TBX5: variants seen among roughly 807,000 people sequenced by gnomAD.
The protein encoded by TBX5 is T-box transcription factor TBX5.
Under a neutral mutation model 51.1 loss-of-function variants are expected in TBX5, and 8 were observed. That is an observed-to-expected ratio of 0.16 (90% CI 0.09 to 0.28). TBX5 has a LOEUF of 0.28. TBX5 is among the 10% of genes least tolerant of loss of function. The pLI, the probability that TBX5 is intolerant of heterozygous loss-of-function variation, is 1.00. For missense variants in TBX5, 589 were observed against 671.7 expected, an observed-to-expected ratio of 0.88 and a Z score of 1.36; for synonymous variants, 302 against 266.4, an observed-to-expected ratio of 1.13 and a Z score of -1.30.
chr12:114,383,798 G>A (rs1047089505), intron 7 of TBX5, among the ~76,000 whole-genome samples: 1 of 152,204 alleles, frequency 6.6e-6, no homozygotes, highest in African/African-American at 2.4e-5. Context: ...CCTTGACCTT[G>A]TAAAAAGGAG....
At chr12:114,407,962 T>C (rs998707861), upstream of TBX5, 3 of 985,372 alleles carry the variant, frequency 3.0e-6, no homozygotes, top group African/African-American at 3.5e-5. Flanking sequence ...GAAGAGCACG[T>C]ACCTCCCAGC....
chr12:114,398,219 A>G (rs1417206664), intron 5 of TBX5, among the ~76,000 whole-genome samples: 1 of 152,226 alleles, frequency 6.6e-6, no homozygotes, highest in African/African-American at 2.4e-5. Context: ...CGACAGACCC[A>G]GATCTGGGGA....
rs190225407 is a variant in TBX5 at position 114,401,979 on chromosome 12, C to T, written c.148-59G>A. 67 of 1,400,606 alleles carry T rather than the reference C, an allele frequency of 4.8e-5. No homozygotes were observed. In the African/African-American group the frequency reaches 7.1e-4, roughly 15 times the overall value. 86.8% of individuals were successfully genotyped at this position (1,400,606 alleles called of 1,614,324 possible). The stretch of plus-strand genomic sequence containing the variant: ...CCCTGGCAGTAGTGGGCATTCCTTC[C>T]CCAAACTCCCCCAAAACACAGAGAC... On this transcript the variant is annotated intron_variant, in intron 2 of 8. Transcript: ENST00000405440.
Position 114,405,899 on chromosome 12 carries a change from C to G in TBX5, c.-310G>C. On this transcript the variant is annotated 5_prime_UTR_variant, in exon 1 of 9. Coordinates refer to ENST00000405440, the MANE Select transcript of TBX5 (RefSeq NM_181486.4). ...AGCGCCAAAGAACACAAAATAGCCT[C>G]CAAGAGCACCGGCAACCATATAATC... is the stretch of plus-strand genomic sequence containing the variant. 1 of 985,554 alleles carries G rather than the reference C, an allele frequency of 1.0e-6. No individual in the cohort carries two copies. The highest frequency in any genetic ancestry group is 1.2e-6 in the Non-Finnish European group (1 of 830,052). The allele number at this position is 985,554 out of a possible 1,614,324, so 61.1% of individuals were successfully genotyped here.
At chr12:114,392,392 G>A (rs556582415) in intron 6 of TBX5, among the ~76,000 whole-genome samples, 5 of 152,048 alleles carry the variant, frequency 3.3e-5, no homozygotes, top group Non-Finnish European at 7.4e-5. Flanking sequence ...TTTCAAATAT[G>A]GCAGTTTATT....
Position 114,398,652 on chromosome 12 carries a change from G to C in TBX5, c.431C>G (p.Thr144Ser). The C allele has an allele frequency of 6.2e-7, 1 of 1,613,436 alleles. No individual in the cohort carries two copies. The highest frequency in any genetic ancestry group is 8.5e-7 in the Non-Finnish European group (1 of 1,179,810). Residue 144 changes from threonine to serine, a missense_variant, in exon 5 of 9, where the codon ACC becomes AGC. Physicochemically the swap from Thr to Ser is moderately conservative, Grantham distance 58. Around this residue, in one of 7 missense-constraint regions of TBX5, gnomAD observed 85 missense variants for 95.6 expected, o/e 0.89. Coordinates refer to ENST00000405440, the MANE Select transcript of TBX5 (RefSeq NM_181486.4). ...RLYVHPDSPATGAHWMRQLVS... is the reference protein window; with the variant it reads ...RLYVHPDSPASGAHWMRQLVS... Reference sequence around the variant, plus strand: ...GAGCTGCCTCATCCAATGCGCCCCGGTGGCGGGGGAGTCTGGGTGCACGTA... The same window carrying C: ...GAGCTGCCTCATCCAATGCGCCCCGCTGGCGGGGGAGTCTGGGTGCACGTA...
intron 6 of TBX5, among the ~76,000 whole-genome samples, chr12:114,392,848 C>G (rs960799857): frequency 1.3e-5 from 2 of 152,144 alleles, no homozygotes; most frequent in African/African-American, 4.8e-5. Flanking sequence ...TCAGGGCATT[C>G]GACCCTCGGT....
intron 3 of TBX5, 85 bp downstream of exon 3, chr12:114,401,741 C>T (rs767748614): frequency 1.6e-6 from 2 of 1,287,298 alleles, no homozygotes; most frequent in East Asian, 4.6e-5. Context: ...CCTTTCCTTC[C>T]TTCTTCTCTT....
At chr12:114,393,150 G>T (rs1871249812) in intron 6 of TBX5, among the ~76,000 whole-genome samples, 1 of 152,162 alleles carries the variant, frequency 6.6e-6, no homozygotes, top group Non-Finnish European at 1.5e-5. Flanking sequence ...TTCGAGGGGT[G>T]AGGGGAGGAT....
At chr12:114,375,760 C>A (rs972156489) in intron 7 of TBX5, among the ~76,000 whole-genome samples, 1 of 152,152 alleles carries the variant, frequency 6.6e-6, no homozygotes, top group Admixed American at 6.5e-5. Context: ...ATAGAACTAT[C>A]AGCCAGGTGC....
At chr12:114,356,519 C>T (rs1290811867) in intron 8 of TBX5, among the ~76,000 whole-genome samples, 1 of 152,038 alleles carries the variant, frequency 6.6e-6, no homozygotes, top group Non-Finnish European at 1.5e-5. Context: ...CACTTGAGCC[C>T]AGGAGTTTGA....
At chr12:114,372,630 C>G (rs1348856913) in intron 7 of TBX5, among the ~76,000 whole-genome samples, 1 of 151,998 alleles carries the variant, frequency 6.6e-6, no homozygotes, top group Admixed American at 6.6e-5. Context: ...TTGACTCAAC[C>G]AGGGCTATAT....
At chr12:114,408,164 G>A, upstream of TBX5, 6 of 985,414 alleles carry the variant, frequency 6.1e-6, no homozygotes, top group Non-Finnish European at 7.2e-6. Flanking sequence ...AGCGGCGGGA[G>A]GTAAATTTCT....
At chr12:114,396,251 G>A (rs545289106) in intron 5 of TBX5, among the ~76,000 whole-genome samples, 3 of 151,906 alleles carry the variant, frequency 2.0e-5, no homozygotes, top group South Asian at 4.1e-4. Context: ...CCGCCTCCCC[G>A]GCCGATAGCG....
chr12:114,366,946 T>C (rs1028722786), intron 7 of TBX5, among the ~76,000 whole-genome samples: 1 of 152,206 alleles, frequency 6.6e-6, no homozygotes, highest in Non-Finnish European at 1.5e-5. Flanking sequence ...TCTGTCCTTG[T>C]GGCCACTGAT....
At chr12:114,365,077 A>C (rs147805413) in intron 8 of TBX5, among the ~76,000 whole-genome samples, 2 of 147,988 alleles carry the variant, frequency 1.4e-5, no homozygotes, top group South Asian at 2.1e-4. Context: ...AAAAAAAAAA[A>C]GCCATTTATT....
intron 6 of TBX5, among the ~76,000 whole-genome samples, chr12:114,392,608 C>A (rs541123544): frequency 1.3e-5 from 2 of 152,212 alleles, no homozygotes; most frequent in South Asian, 2.1e-4. Context: ...CTGTATGAAC[C>A]TGGGCTTTCT....
chr12:114,406,850 A>T (rs909245738), upstream of TBX5, among the ~76,000 whole-genome samples: 3 of 146,616 alleles, frequency 2.0e-5, no homozygotes, highest in South Asian at 2.2e-4. Context: ...TCTGAGATGT[A>T]TTTTTTTTTT....
At chr12:114,401,777 C>G in intron 3 of TBX5, 49 bp downstream of exon 3, 3 of 1,577,832 alleles carry the variant, frequency 1.9e-6, no homozygotes, top group Non-Finnish European at 2.6e-6. Context: ...TTCTTCACCT[C>G]TCCCACAATT....
Sources: allele counts gnomAD v4.1 joint callset (sites outside exome capture counted in the v4.1 genomes callset), GRCh38; gene constraint gnomAD v4.1.1; regional missense constraint gnomAD v4.1.1; transcripts MANE v1.5; gene names NCBI Gene and HGNC (gene_info 2026-07-23, HGNC 2026-07-21).